BBX: variants seen among roughly 807,000 people sequenced by gnomAD.
BBX encodes the protein HMG box transcription factor BBX.
A neutral mutation model predicts 100.2 loss-of-function variants in BBX; 30 were observed. The ratio of observed to expected loss-of-function variants is 0.30; its 90% CI spans 0.22 to 0.41. The LOEUF (loss-of-function observed/expected upper bound fraction) is 0.41, where lower values mean the gene tolerates loss of function less well. Among genes scored for constraint, BBX ranks in the 10% least tolerant of loss-of-function variants. The pLI is 1.00. For missense variants in BBX, 1,023 were observed against 1,129.8 expected, an observed-to-expected ratio of 0.91 and a Z score of 1.35; for synonymous variants, 376 against 388.1, an observed-to-expected ratio of 0.97 and a Z score of 0.37.
intron 2 of BBX, among the ~76,000 whole-genome samples, chr3:107,626,894 A>T (rs551745916): frequency 6.6e-6 from 1 of 152,048 alleles, no homozygotes; most frequent in African/African-American, 2.4e-5. Flanking sequence ...ACCTCAAGTG[A>T]TCCGCCCGTC....
At chr3:107,524,903 A>G (rs2047640258) in intron 1 of BBX, among the ~76,000 whole-genome samples, 2 of 150,934 alleles carry the variant, frequency 1.3e-5, no homozygotes, top group African/African-American at 4.9e-5. Context: ...CTTTGAAACC[A>G]TTGCCTGTCC....
intron 5 of BBX, among the ~76,000 whole-genome samples, chr3:107,726,650 G>A (rs923951): frequency 0.046 from 7,002 of 152,068 alleles, 505 homozygotes; most frequent in African/African-American, 0.16. Context: ...TAGGTAGTTA[G>A]CCCTTTTGCA....
chr3:107,544,524 T>G (rs1267812315), intron 2 of BBX, among the ~76,000 whole-genome samples: 1 of 152,118 alleles, frequency 6.6e-6, no homozygotes, highest in Non-Finnish European at 1.5e-5. Flanking sequence ...TATTATATAT[T>G]TATTGAATGT....
intron 2 of BBX, among the ~76,000 whole-genome samples, chr3:107,552,779 T>C (rs1255326318): frequency 6.6e-6 from 1 of 152,250 alleles, no homozygotes; most frequent in East Asian, 1.9e-4. Context: ...TCTAATATGG[T>C]TTCTTCATAA....
At chr3:107,726,579 G>T (rs751683143) in intron 5 of BBX, among the ~76,000 whole-genome samples, 7 of 151,888 alleles carry the variant, frequency 4.6e-5, no homozygotes, top group Non-Finnish European at 8.8e-5. Context: ...TTCTGTTATT[G>T]TTTTCCATAA....
intron 3 of BBX, among the ~76,000 whole-genome samples, chr3:107,655,672 C>CA (rs1187946153): frequency 6.6e-6 from 1 of 151,260 alleles, no homozygotes; most frequent in Admixed American, 6.6e-5. Context: ...CGTGTGCCAC[C>CA]ACACCTGGCT....
At chr3:107,663,075 A>G (rs1234947805) in intron 3 of BBX, among the ~76,000 whole-genome samples, 1 of 152,192 alleles carries the variant, frequency 6.6e-6, no homozygotes, top group African/African-American at 2.4e-5. Flanking sequence ...CTAATAAAAC[A>G]TTAGAAAACT....
chr3:107,760,242 A>C (rs1260216360), intron 10 of BBX, among the ~76,000 whole-genome samples: 3 of 152,218 alleles, frequency 2.0e-5, no homozygotes, highest in East Asian at 1.9e-4. Context: ...AGACTGTGCA[A>C]GTTGCTTGTT....
At chr3:107,665,782 A>G (rs1251379542) in intron 3 of BBX, among the ~76,000 whole-genome samples, 2 of 152,190 alleles carry the variant, frequency 1.3e-5, no homozygotes, top group Admixed American at 1.3e-4. Flanking sequence ...TTTGCTATAC[A>G]GCATAACCCC....
intron 2 of BBX, among the ~76,000 whole-genome samples, chr3:107,597,093 T>G (rs1200566886): frequency 6.6e-6 from 1 of 152,250 alleles, no homozygotes; most frequent in Admixed American, 6.5e-5. Context: ...CATTTTATTG[T>G]AAATTTTGGC....
intron 2 of BBX, among the ~76,000 whole-genome samples, chr3:107,585,114 A>G (rs1232733887): frequency 2.0e-5 from 3 of 152,130 alleles, no homozygotes; most frequent in Non-Finnish European, 4.4e-5. Flanking sequence ...AGGAGGGGAA[A>G]CCAGGAGAAT....
chr3:107,772,670 C>T lies in BBX; in HGVS notation c.949C>T (p.Leu317=). Reference sequence around the variant, plus strand: ...AGGGATGAAAATGGAAGAATCAAAGCTAATAAAAGCAAAAGAATCCGATGG... The same window carrying T: ...AGGGATGAAAATGGAAGAATCAAAGTTAATAAAAGCAAAAGAATCCGATGG... ...SEGMKMEESK[L]IKAKESDGGR... The change falls in exon 11 of 18, where the codon CTA becomes TTA. Residue 317 remains leucine, a synonymous_variant. Transcript: ENST00000325805. 1 of 1,597,170 alleles carries T rather than the reference C, an allele frequency of 6.3e-7. No individual in the cohort carries two copies.
At chr3:107,678,683 A>G (rs1341816810) in intron 3 of BBX, among the ~76,000 whole-genome samples, 1 of 152,138 alleles carries the variant, frequency 6.6e-6, no homozygotes, top group Non-Finnish European at 1.5e-5. Context: ...CTGTATTTGC[A>G]CTACTGCACT....
chr3:107,777,854 A>C (rs753180988), intron 12 of BBX, among the ~76,000 whole-genome samples: 6 of 152,182 alleles, frequency 3.9e-5, no homozygotes, highest in Non-Finnish European at 8.8e-5. Context: ...AGTAGTCAGT[A>C]CATTTTTTTA....
intron 3 of BBX, among the ~76,000 whole-genome samples, chr3:107,647,627 G>A (rs1273284653): frequency 6.6e-6 from 1 of 152,182 alleles, no homozygotes; most frequent in Admixed American, 6.5e-5. Flanking sequence ...AGGAGTAATT[G>A]AGGAAACAAA....
intron 5 of BBX, among the ~76,000 whole-genome samples, chr3:107,719,039 A>G (rs1054343239): frequency 2.0e-5 from 3 of 152,044 alleles, no homozygotes; most frequent in Non-Finnish European, 4.4e-5. Context: ...TTTTTGTGTT[A>G]ATATTGCAGC....
intron 9 of BBX, among the ~76,000 whole-genome samples, chr3:107,750,565 G>C (rs114973277): frequency 0.018 from 2,709 of 152,188 alleles, 89 homozygotes; most frequent in African/African-American, 0.062. Context: ...TACAAGAGTA[G>C]TTCATGGTTC....
intron 2 of BBX, among the ~76,000 whole-genome samples, chr3:107,630,146 T>C (rs2056455450): frequency 6.6e-6 from 1 of 152,200 alleles, no homozygotes; most frequent in Admixed American, 6.5e-5. Context: ...TGGGGAGCTT[T>C]TCCAGCTCTG....
At chr3:107,802,236 A>G (rs1361451876) in intron 17 of BBX, among the ~76,000 whole-genome samples, 1 of 152,218 alleles carries the variant, frequency 6.6e-6, no homozygotes, top group Non-Finnish European at 1.5e-5. Context: ...TGTAGGCCCC[A>G]TGCTCCTTTT....
Sources: allele counts gnomAD v4.1 joint callset (sites outside exome capture counted in the v4.1 genomes callset), GRCh38; gene constraint gnomAD v4.1.1; transcripts MANE v1.5; gene names NCBI Gene and HGNC (gene_info 2026-07-23, HGNC 2026-07-21).